The following NRXN3 variants were observed in gnomAD, a reference collection of about 807,000 sequenced individuals.
NRXN3 encodes neurexin 3, also known as neurexin III.
NRXN3 carries 32 observed loss-of-function variants against 137.6 expected under a neutral mutation model. That is an observed-to-expected ratio of 0.23 (90% CI 0.18 to 0.31). The LOEUF (loss-of-function observed/expected upper bound fraction) is 0.31. NRXN3 is among the 10% of genes least tolerant of loss of function. The probability of loss-of-function intolerance (pLI) is 1.00; values close to 1 mark genes in which losing one functional copy is unlikely to be tolerated. For missense variants in NRXN3, 1,574 were observed against 2,062.5 expected (o/e 0.76, Z 4.59); for synonymous variants, 798 against 784.5 (o/e 1.02, Z -0.29).
chr14:78,283,591 C>T (rs1345544998), intron 3 of NRXN3, among the ~76,000 whole-genome samples: 1 of 152,040 alleles, frequency 6.6e-6, no homozygotes, highest in Non-Finnish European at 1.5e-5. Flanking sequence ...TCACTGCAAC[C>T]TCTGCCTCCC....
intron 4 of NRXN3, among the ~76,000 whole-genome samples, chr14:78,318,954 C>T (rs1420433646): frequency 1.3e-5 from 2 of 152,172 alleles, no homozygotes; most frequent in Non-Finnish European, 2.9e-5. Flanking sequence ...GCAGGTTCTG[C>T]GTGGGGAGGG....
At chr14:78,821,319 A>T (rs932262869) in intron 10 of NRXN3, among the ~76,000 whole-genome samples, 2 of 152,168 alleles carry the variant, frequency 1.3e-5, no homozygotes, top group Admixed American at 6.5e-5. Flanking sequence ...CTGTTCCAGT[A>T]TAATAAAAAG....
intron 16 of NRXN3, among the ~76,000 whole-genome samples, chr14:79,495,436 T>TG (rs1349154499): frequency 6.6e-6 from 1 of 151,966 alleles, no homozygotes; most frequent in Admixed American, 6.6e-5. Context: ...CATTTTTTTT[T>TG]TCTTTTTGAA....
At chr14:78,280,976 C>A (rs2074333139) in intron 3 of NRXN3, among the ~76,000 whole-genome samples, 1 of 152,190 alleles carries the variant, frequency 6.6e-6, no homozygotes, top group Admixed American at 6.5e-5. Context: ...GTGTGACGGT[C>A]ACCCAGCTGT....
At chr14:78,564,687 A>C (rs549036090) in intron 4 of NRXN3, among the ~76,000 whole-genome samples, 4 of 152,180 alleles carry the variant, frequency 2.6e-5, no homozygotes, top group Admixed American at 1.3e-4. Context: ...TCCATCTCCT[A>C]CTAATCTTTA....
At chr14:78,903,888 A>G (rs1200209090) in intron 10 of NRXN3, among the ~76,000 whole-genome samples, 1 of 152,184 alleles carries the variant, frequency 6.6e-6, no homozygotes, top group East Asian at 1.9e-4. Context: ...GCCTCTGCAC[A>G]CGTAAATGTG....
chr14:79,114,998 A>G (rs1416276880), intron 15 of NRXN3, among the ~76,000 whole-genome samples: 1 of 152,072 alleles, frequency 6.6e-6, no homozygotes, highest in Non-Finnish European at 1.5e-5. Flanking sequence ...TGATAAATAT[A>G]AGCTTAATGA....
In NRXN3 at chr14:79,674,314, G is replaced by T. The variant is rs371578205; in HGVS notation, c.3616+10365G>T. On this transcript the variant is annotated intron_variant, in intron 17 of 20. Transcript: ENST00000335750. Reference sequence around the variant, plus strand: ...TGATTGATAGGCAAAAAAATCCTGCGCATACTTTGATGAGTTTAGACATGT... The same window carrying T: ...TGATTGATAGGCAAAAAAATCCTGCTCATACTTTGATGAGTTTAGACATGT... Among the ~76,000 whole-genome samples, 68 of 151,858 alleles carry T rather than the reference G, an allele frequency of 4.5e-4. 1 individual carries two copies. The South Asian group carries it at 0.012, about 27-fold the overall frequency.
intron 15 of NRXN3, among the ~76,000 whole-genome samples, chr14:79,380,149 CTTTTT>C (rs949863265): frequency 2.0e-5 from 1 of 48,948 alleles, no homozygotes; most frequent in South Asian, 6.9e-4. Flanking sequence ...TATACTTCTT[CTTTTT>C]TTTTTTTTTT....
At chr14:78,989,752 T>G (rs2099514715) in intron 15 of NRXN3, among the ~76,000 whole-genome samples, 1 of 152,242 alleles carries the variant, frequency 6.6e-6, no homozygotes, top group Non-Finnish European at 1.5e-5. Context: ...GGTGGCATAA[T>G]GCTTCTTTAT....
intron 8 of NRXN3, among the ~76,000 whole-genome samples, chr14:78,752,329 T>A (rs903344105): frequency 5.3e-5 from 8 of 152,194 alleles, no homozygotes; most frequent in African/African-American, 1.9e-4. Flanking sequence ...GGCACCAGAA[T>A]CACTTGAACC....
At chr14:78,935,574 C>G (rs537718216) in intron 10 of NRXN3, among the ~76,000 whole-genome samples, 1 of 152,174 alleles carries the variant, frequency 6.6e-6, no homozygotes, top group East Asian at 1.9e-4. Flanking sequence ...GTTACTGTTT[C>G]GAGAATATTG....
intron 19 of NRXN3, among the ~76,000 whole-genome samples, chr14:79,768,341 C>T (rs1290575439): frequency 3.9e-5 from 6 of 152,244 alleles, no homozygotes; most frequent in South Asian, 2.1e-4. Context: ...AACAAAAAGA[C>T]AGCAGTAACC....
At chr14:79,825,802 T>A (rs569630016) in intron 20 of NRXN3, among the ~76,000 whole-genome samples, 1 of 152,308 alleles carries the variant, frequency 6.6e-6, no homozygotes, top group South Asian at 2.1e-4. Context: ...ATTGTTACAC[T>A]TTTATATACT....
At chr14:79,606,031 A>G (rs1602910316) in intron 16 of NRXN3, among the ~76,000 whole-genome samples, 2 of 152,150 alleles carry the variant, frequency 1.3e-5, no homozygotes, top group Non-Finnish European at 2.9e-5. Context: ...TGTGGCTTTG[A>G]AGCAGTTGTT....
intron 19 of NRXN3, among the ~76,000 whole-genome samples, chr14:79,742,929 G>C (rs189320544): frequency 6.6e-6 from 1 of 152,230 alleles, no homozygotes; most frequent in East Asian, 1.9e-4. Context: ...AAAAACTAAA[G>C]CACAAAGAAG....
rs1362047700 is a variant in NRXN3 at position 79,645,572 on chromosome 14, G to A, written c.3445-18206G>A. ...CAGGGGTTGCAGTGAGTTGAGATGC[G>A]CCACTGCACTCCAGCTTGGGTGACA... On this transcript the variant is annotated intron_variant, in intron 16 of 20. Coordinates refer to ENST00000335750, the MANE Select transcript of NRXN3 (RefSeq NM_001330195.2). Among the ~76,000 whole-genome samples, 3 of 127,870 alleles carry A rather than the reference G, an allele frequency of 2.3e-5. 1 individual carries two copies. Among genetic ancestry groups the A allele is most frequent in the Non-Finnish European group, 5.4e-5 (3 of 55,236 alleles). 83.9% of individuals were successfully genotyped at this position (127,870 alleles called of 152,430 possible).
intron 6 of NRXN3, among the ~76,000 whole-genome samples, chr14:78,654,969 G>A (rs576491798): frequency 6.6e-6 from 1 of 152,234 alleles, no homozygotes; most frequent in African/African-American, 2.4e-5. Context: ...GCCTCCCCCT[G>A]AGCTATCAGA....
chr14:79,094,623 T>C (rs1271535104), intron 15 of NRXN3, among the ~76,000 whole-genome samples: 3 of 152,228 alleles, frequency 2.0e-5, no homozygotes, highest in South Asian at 4.1e-4. Flanking sequence ...GTCTGTTCAA[T>C]ATATTTGTAT....
Sources: gnomAD v4.1 joint callset for allele counts (sites outside exome capture counted in the v4.1 genomes callset) on GRCh38, gnomAD v4.1.1 for gene constraint, MANE v1.5 for transcripts, NCBI Gene and HGNC (gene_info 2026-07-23, HGNC 2026-07-21) for gene names.